AGBL1: variants seen among roughly 807,000 people sequenced by gnomAD.
The protein encoded by AGBL1 is AGBL carboxypeptidase 1, also known as cytosolic carboxypeptidase 4.
A neutral mutation model predicts 118.9 loss-of-function variants in AGBL1; 130 were observed. The observed-to-expected ratio is 1.09, with a 90% CI of 0.95 to 1.26. The LOEUF (loss-of-function observed/expected upper bound fraction) is 1.26. AGBL1 is among the 50% of genes most tolerant of loss of function. AGBL1 has a pLI of 0.00. For missense variants in AGBL1, 1,584 were observed against 1,298.1 expected (o/e 1.22, Z -3.38); for synonymous variants, 555 against 478.9 (o/e 1.16, Z -2.08).
intron 1 of AGBL1, among the ~76,000 whole-genome samples, chr15:86,085,485 G>A (rs986246069): frequency 6.6e-6 from 1 of 152,238 alleles, no homozygotes; most frequent in Non-Finnish European, 1.5e-5. Context: ...GGAGTTGCAA[G>A]ACAGTCAACC....
At chr15:86,475,542 T>C (rs899660443) in intron 18 of AGBL1, among the ~76,000 whole-genome samples, 7 of 152,154 alleles carry the variant, frequency 4.6e-5, no homozygotes, top group Middle Eastern at 6.8e-3. Flanking sequence ...TAAAAAGAAA[T>C]GCAAAAAGCC....
intron 22 of AGBL1, among the ~76,000 whole-genome samples, chr15:86,676,984 C>A (rs941865842): frequency 2.1e-4 from 32 of 152,054 alleles, no homozygotes; most frequent in African/African-American, 7.5e-4. Context: ...GCACTGCACT[C>A]CAGCCTGGGC....
intron 22 of AGBL1, among the ~76,000 whole-genome samples, chr15:86,704,517 C>G (rs572935189): frequency 1.1e-3 from 162 of 152,174 alleles, no homozygotes; most frequent in Middle Eastern, 3.4e-3. Context: ...ATGTGGCCAA[C>G]AAACATATCA....
At chr15:86,101,631 C>CTTTT (rs563450139) in intron 1 of AGBL1, among the ~76,000 whole-genome samples, 3 of 131,702 alleles carry the variant, frequency 2.3e-5, no homozygotes, top group Non-Finnish European at 3.3e-5. Flanking sequence ...TGACATTTGT[C>CTTTT]TTTTTTTTTT....
intron 19 of AGBL1, among the ~76,000 whole-genome samples, chr15:86,542,775 C>T (rs900576471): frequency 2.0e-5 from 3 of 152,182 alleles, no homozygotes; most frequent in South Asian, 2.1e-4. Context: ...CATCGTATCT[C>T]GCTTTATCCC....
chr15:86,466,414 A>G (rs2142094560), intron 18 of AGBL1, among the ~76,000 whole-genome samples: 1 of 152,322 alleles, frequency 6.6e-6, no homozygotes. Flanking sequence ...CAAGGTTCTT[A>G]GCTTCCTTGC....
intron 21 of AGBL1, among the ~76,000 whole-genome samples, chr15:86,671,354 C>G (rs1177116901): frequency 6.6e-6 from 1 of 152,154 alleles, no homozygotes; most frequent in Non-Finnish European, 1.5e-5. Flanking sequence ...GAACCTTCTA[C>G]CTTTTCCTCA....
intron 17 of AGBL1, among the ~76,000 whole-genome samples, chr15:86,389,465 G>A (rs114550396): frequency 0.025 from 3,760 of 152,046 alleles, 178 homozygotes; most frequent in African/African-American, 0.086. Flanking sequence ...GTTCACTTTC[G>A]GACAAATCAG....
intron 22 of AGBL1, among the ~76,000 whole-genome samples, chr15:86,690,970 T>A (rs2142602823): frequency 6.6e-6 from 1 of 152,292 alleles, no homozygotes; most frequent in Non-Finnish European, 1.5e-5. Context: ...TAGCTATTGA[T>A]GTATTTTTCT....
At chr15:86,791,798 G>A (rs945571315) in intron 22 of AGBL1, among the ~76,000 whole-genome samples, 47 of 151,374 alleles carry the variant, frequency 3.1e-4, no homozygotes, top group African/African-American at 1.1e-3. Context: ...GTGCAGTGGT[G>A]TAATCTTGGC....
intron 22 of AGBL1, among the ~76,000 whole-genome samples, chr15:86,839,151 T>C (rs546350347): frequency 1.3e-5 from 2 of 152,054 alleles, no homozygotes; most frequent in East Asian, 3.9e-4. Flanking sequence ...TGACAGTAAA[T>C]GAACACCCAG....
chr15:86,303,159 T>C (rs2079781036), intron 17 of AGBL1, among the ~76,000 whole-genome samples: 1 of 152,206 alleles, frequency 6.6e-6, no homozygotes, highest in South Asian at 2.1e-4. Flanking sequence ...AAAAGACGAT[T>C]AAACACTTTG....
intron 21 of AGBL1, among the ~76,000 whole-genome samples, chr15:86,662,294 C>A (rs577695290): frequency 1.3e-5 from 2 of 152,328 alleles, no homozygotes; most frequent in South Asian, 4.1e-4. Flanking sequence ...TTTTATGGGG[C>A]ATTTACTCTG....
intron 5 of AGBL1, among the ~76,000 whole-genome samples, chr15:86,173,657 A>G (rs1476243910): frequency 6.6e-6 from 1 of 152,144 alleles, no homozygotes; most frequent in Non-Finnish European, 1.5e-5. Flanking sequence ...ACTCTTCTGC[A>G]TGTGGATATC....
intron 17 of AGBL1, among the ~76,000 whole-genome samples, chr15:86,392,204 A>AT (rs149812215): frequency 0.034 from 5,127 of 150,598 alleles, 287 homozygotes; most frequent in African/African-American, 0.12. Flanking sequence ...TCTGTCGTCT[A>AT]TTTTTTTTTC....
intron 18 of AGBL1, among the ~76,000 whole-genome samples, chr15:86,442,138 C>G (rs1307181524): frequency 2.0e-5 from 3 of 152,328 alleles, no homozygotes; most frequent in East Asian, 3.9e-4. Context: ...TGCCTTGTCA[C>G]TGGGTACCAG....
rs538102751 is a variant in AGBL1, at chr15:86,495,098, C to T, written c.2556-27712C>T. On this transcript the variant is annotated intron_variant, in intron 18 of 22. Transcript: ENST00000614907. ...GCCCCCTAGTGCGCTCCGTCTGTCT[C>T]GCTCACTCTCTCTCTCTCTCTCTCT... Among the ~76,000 whole-genome samples, 695 of 150,958 alleles carry T rather than the reference C, an allele frequency of 4.6e-3. 6 individuals are homozygous for T. The highest frequency in any genetic ancestry group is 0.016 in the African/African-American group (646 of 40,864).
At chr15:86,286,305 G>A (rs1261601887) in intron 16 of AGBL1, among the ~76,000 whole-genome samples, 1 of 151,886 alleles carries the variant, frequency 6.6e-6, no homozygotes, top group Non-Finnish European at 1.5e-5. Context: ...TCATTTCTTT[G>A]TGGTGAGAAC....
At chr15:86,471,325 C>T (rs931922812) in intron 18 of AGBL1, among the ~76,000 whole-genome samples, 2 of 152,134 alleles carry the variant, frequency 1.3e-5, no homozygotes, top group Admixed American at 6.5e-5. Context: ...ATCCTTCATT[C>T]TATTAAGATG....
Sources: gnomAD v4.1 joint callset for allele counts (sites outside exome capture counted in the v4.1 genomes callset) on GRCh38, gnomAD v4.1.1 for gene constraint, MANE v1.5 for transcripts, NCBI Gene and HGNC (gene_info 2026-07-23, HGNC 2026-07-21) for gene names.